Variants in ADAMTSL1 observed in about 807,000 individuals in gnomAD.
ADAMTSL1 encodes ADAMTS-like protein 1.
ADAMTSL1 carries 126 observed loss-of-function variants against 201.8 expected under a neutral mutation model. The ratio of observed to expected loss-of-function variants is 0.62; its 90% CI spans 0.54 to 0.72. The LOEUF (loss-of-function observed/expected upper bound fraction) is 0.72, where lower values mean the gene tolerates loss of function less well. ADAMTSL1 is among the 30% of genes least tolerant of loss of function. The pLI is 0.00. For missense variants in ADAMTSL1, 2,679 were observed against 2,277.8 expected (o/e 1.18, Z -3.59); for synonymous variants, 1,121 against 903.4 (o/e 1.24, Z -4.32).
At chr9:17,907,987 G>A (rs1825789857) in intron 1 of ADAMTSL1, among the ~76,000 whole-genome samples, 2 of 152,072 alleles carry the variant, frequency 1.3e-5, no homozygotes, top group South Asian at 2.1e-4. Flanking sequence ...CAAATAGGGG[G>A]ATTTCCTTCC....
intron 20 of ADAMTSL1, among the ~76,000 whole-genome samples, chr9:18,799,181 C>T (rs1004330937): frequency 3.3e-5 from 5 of 151,922 alleles, no homozygotes; most frequent in Non-Finnish European, 7.4e-5. Context: ...ATGAAAGTAG[C>T]TTAGGAGGGG....
chr9:18,268,306 G>A (rs1450521950), intron 2 of ADAMTSL1, among the ~76,000 whole-genome samples: 2 of 152,098 alleles, frequency 1.3e-5, no homozygotes, highest in African/African-American at 2.4e-5. Context: ...CCCTTTTGGG[G>A]CATATTGGTT....
chr9:18,544,533 A>G (rs1012603594), intron 3 of ADAMTSL1, among the ~76,000 whole-genome samples: 2 of 152,068 alleles, frequency 1.3e-5, no homozygotes, highest in African/African-American at 4.8e-5. Context: ...TTCAGCCAGC[A>G]TCATCCCATG....
At chr9:18,679,735 T>C (rs1830340416) in intron 10 of ADAMTSL1, among the ~76,000 whole-genome samples, 1 of 152,148 alleles carries the variant, frequency 6.6e-6, no homozygotes, top group African/African-American at 2.4e-5. Flanking sequence ...AGTTTGAACA[T>C]CAGAATTGTG....
chr9:18,122,517 A>G (rs1825545545), intron 1 of ADAMTSL1, among the ~76,000 whole-genome samples: 1 of 152,194 alleles, frequency 6.6e-6, no homozygotes, highest in Admixed American at 6.5e-5. Context: ...TTAGCTGTTT[A>G]TCATTTTCAT....
chr9:18,412,130 C>G (rs558487986), intron 2 of ADAMTSL1, among the ~76,000 whole-genome samples: 1 of 152,304 alleles, frequency 6.6e-6, no homozygotes, highest in African/African-American at 2.4e-5. Flanking sequence ...CACCATTTAA[C>G]TTATCCTTCT....
chr9:18,791,113 C>G (rs1822008216), intron 19 of ADAMTSL1, among the ~76,000 whole-genome samples: 1 of 152,170 alleles, frequency 6.6e-6, no homozygotes, highest in African/African-American at 2.4e-5. Flanking sequence ...ATAGAGTAGA[C>G]TACTGAAATA....
chr9:18,716,331 C>T, intron 14 of ADAMTSL1, among the ~76,000 whole-genome samples: 1 of 151,562 alleles, frequency 6.6e-6, no homozygotes, highest in South Asian at 2.1e-4. Context: ...TTTTCGCAAC[C>T]TACTCATCTG....
rs190318772 is a variant in ADAMTSL1 at position 17,914,509 on chromosome 9, A to G, written c.87+7587A>G. On this transcript the variant is annotated intron_variant, in intron 1 of 29. Coordinates refer to the ADAMTSL1 transcript ENST00000680146. The stretch of plus-strand genomic sequence containing the variant: ...AAAACTCTCAATAAATTAGGTGTTG[A>G]TGGGACGTATCTCAAAATAATAAGA... Among the ~76,000 whole-genome samples the G allele has an allele frequency of 8.2e-3, 1,256 of 152,274 alleles. 19 individuals are homozygous for G. The highest frequency in any genetic ancestry group is 0.028 in the African/African-American group (1,181 of 41,540).
At chr9:18,168,185 G>T (rs916869772) in intron 2 of ADAMTSL1, among the ~76,000 whole-genome samples, 1 of 151,614 alleles carries the variant, frequency 6.6e-6, no homozygotes, top group Admixed American at 6.6e-5. Flanking sequence ...ACATATGTAT[G>T]CATGTGCCAT....
chr9:18,742,007 A>C (rs1288243859), intron 15 of ADAMTSL1, among the ~76,000 whole-genome samples: 1 of 152,076 alleles, frequency 6.6e-6, no homozygotes, highest in Non-Finnish European at 1.5e-5. Context: ...TGGCTGTTCT[A>C]AGTAGAGTGC....
At chr9:18,546,852 C>G (rs1218565934) in intron 3 of ADAMTSL1, among the ~76,000 whole-genome samples, 1 of 152,134 alleles carries the variant, frequency 6.6e-6, no homozygotes, top group Non-Finnish European at 1.5e-5. Flanking sequence ...CTGCTTTTAA[C>G]TGCTGTATTT....
chr9:18,315,477 A>G (rs1834349269), intron 2 of ADAMTSL1, among the ~76,000 whole-genome samples: 1 of 151,994 alleles, frequency 6.6e-6, no homozygotes, highest in Non-Finnish European at 1.5e-5. Context: ...GCAGGTCCTG[A>G]GCCCTGTCCT....
chr9:18,528,148 G>A (rs980469697), intron 2 of ADAMTSL1, among the ~76,000 whole-genome samples: 3 of 152,074 alleles, frequency 2.0e-5, no homozygotes, highest in Non-Finnish European at 4.4e-5. Flanking sequence ...AAAGTGCTGG[G>A]ATTACAGGCA....
chr9:18,577,447 C>G (rs1349470053), intron 4 of ADAMTSL1, among the ~76,000 whole-genome samples: 1 of 152,144 alleles, frequency 6.6e-6, no homozygotes, highest in Admixed American at 6.5e-5. Context: ...GATTGCACCA[C>G]TGTACTCCAG....
intron 1 of ADAMTSL1, among the ~76,000 whole-genome samples, chr9:18,043,470 G>C (rs1821518335): frequency 6.6e-6 from 1 of 152,130 alleles, no homozygotes; most frequent in Non-Finnish European, 1.5e-5. Context: ...GTAAGCAAAA[G>C]ATGATATTAG....
chr9:18,800,147 C>G (rs1043993200), intron 20 of ADAMTSL1, among the ~76,000 whole-genome samples: 1 of 151,996 alleles, frequency 6.6e-6, no homozygotes, highest in Non-Finnish European at 1.5e-5. Flanking sequence ...GAGGCTGAGG[C>G]GGGCAGATGG....
In ADAMTSL1 at chr9:18,333,040, C is replaced by T. The variant is rs74990291; in HGVS notation, c.207+169059C>T. ...TTCTCCCATTTTCTTTTCTCTTTCC[C>T]ACTTCAGAATGGCCAGAATACCAGG... On this transcript the variant is annotated intron_variant, in intron 2 of 29. Transcript: ENST00000680146. Among the ~76,000 whole-genome samples the T allele has an allele frequency of 7.0e-4, 107 of 152,286 alleles. 1 individual carries two copies. The highest frequency in any genetic ancestry group is 1.2e-3 in the Non-Finnish European group (82 of 68,014).
intron 23 of ADAMTSL1, among the ~76,000 whole-genome samples, chr9:18,831,019 G>A (rs904117335): frequency 1.3e-5 from 2 of 152,178 alleles, no homozygotes; most frequent in African/African-American, 4.8e-5. Context: ...TCGTATTGGT[G>A]ATGACTTATC....
Sources: allele counts gnomAD v4.1 joint callset (sites outside exome capture counted in the v4.1 genomes callset), GRCh38; gene constraint gnomAD v4.1.1; transcripts MANE v1.5; gene names NCBI Gene and HGNC (gene_info 2026-07-23, HGNC 2026-07-21).